Variants in SLC12A5 observed in about 807,000 individuals in gnomAD.
The protein encoded by SLC12A5 is solute carrier family 12 member 5, also known as K-Cl cotransporter 2.
SLC12A5 carries 18 observed loss-of-function variants against 124.0 expected under a neutral mutation model. The ratio of observed to expected loss-of-function variants is 0.15; its 90% CI spans 0.10 to 0.22. The LOEUF (loss-of-function observed/expected upper bound fraction) is 0.22. SLC12A5 is among the 10% of genes least tolerant of loss of function. The pLI is 1.00. For missense variants in SLC12A5, 867 were observed against 1,478.7 expected, an observed-to-expected ratio of 0.59 and a Z score of 6.78; for synonymous variants, 589 against 568.0, an observed-to-expected ratio of 1.04 and a Z score of -0.53.
chr20:46,037,157 G>C, intron 5 of SLC12A5, 98 bp from the exon 6 acceptor site: 1 of 1,486,012 alleles, frequency 6.7e-7, no homozygotes, highest in Non-Finnish European at 9.0e-7. Context: ...TGTGAGGCCT[G>C]GAGCAACCCC....
chr20:46,035,960 C>T (rs2084494937), intron 4 of SLC12A5, 37 bp downstream of exon 4: 11 of 1,583,704 alleles, frequency 6.9e-6, no homozygotes, highest in African/African-American at 1.3e-5. Context: ...CCCCTGACAG[C>T]TGGGGCTTGG....
intron 1 of SLC12A5, chr20:46,022,137 G>T: frequency 2.4e-6 from 1 of 420,020 alleles, no homozygotes; most frequent in Admixed American, 4.5e-5. Context: ...GGCCAGGGAA[G>T]GGGTTTGGAC....
chr20:46,057,286 G>T lies in SLC12A5; in HGVS notation c.3242G>T (p.Arg1081Leu), dbSNP rs376095009. 8.7e-6 allele frequency: 14 copies of T among 1,614,066 alleles called. No individual in the cohort carries two copies. Among genetic ancestry groups the T allele is most frequent in the Middle Eastern group, 1.6e-4 (1 of 6,082 alleles). ...LLNMPGPPRN[R>L]NGDENYMEFL... ...AACATGCCTGGGCCTCCCCGCAACC[G>T]CAATGGTGATGAAAACTGTATCCTG... The change falls in exon 25 of 26, where the codon CGC (arginine) becomes CTC (leucine). Residue 1081 changes from arginine to leucine, a missense_variant. Physicochemically the swap from Arg to Leu is moderately radical, Grantham distance 102 (BLOSUM62 -2). Coordinates refer to ENST00000243964, the MANE Select transcript of SLC12A5 (RefSeq NM_020708.5). The surrounding 1 kb of genome is among the most constrained non-coding windows in gnomAD (Gnocchi z 7.1).
intron 2 of SLC12A5, chr20:46,023,098 G>A (rs901978009): frequency 2.5e-6 from 1 of 399,618 alleles, no homozygotes; most frequent in Non-Finnish European, 4.4e-6. Context: ...GCAAACCCAA[G>A]CGCCGAAACC....
At chr20:46,021,772 C>T (rs2084356620), upstream of SLC12A5, 1 of 1,533,418 alleles carries the variant, frequency 6.5e-7, no homozygotes, top group Non-Finnish European at 8.7e-7. Context: ...CGCCATGAGC[C>T]GCAGGTTCAC....
rs1403480813 is a variant in SLC12A5 at position 46,058,227 on chromosome 20, G to A, written c.*622G>A. 2.7e-6 allele frequency: 1 copy of A among 374,524 alleles called. No individual in the cohort carries two copies. The highest frequency in any genetic ancestry group is 4.6e-5 in the Admixed American group (1 of 21,938). The allele number at this position is 374,524 out of a possible 1,614,324, so 23.2% of individuals were successfully genotyped here. A position where few individuals can be genotyped will look rare whatever the true frequency, so the allele number is the denominator to read the frequency against. On this transcript the variant is annotated 3_prime_UTR_variant, in exon 26 of 26. Transcript: ENST00000243964. This position sits in a 1 kb window ranked among gnomAD's most constrained non-coding sequence, Gnocchi z 5.8. ...CGAGCTCTCCCGCTGGGGGCACTGC[G>A]GGGAGGCGAGGCCTCGGGAAGCTGA...
chr20:46,029,456 G>A, intron 1 of SLC12A5, 60 bp downstream of exon 1: 4 of 1,517,428 alleles, frequency 2.6e-6, no homozygotes, highest in Non-Finnish European at 3.5e-6. Flanking sequence ...GCAGCTCTGG[G>A]GTTAGAGGCG....
intron 1 of SLC12A5, among the ~76,000 whole-genome samples, chr20:46,032,695 T>G (rs962741616): frequency 1.3e-5 from 2 of 152,222 alleles, no homozygotes; most frequent in Non-Finnish European, 2.9e-5. Flanking sequence ...GACTGGAATG[T>G]CAGTTTCCAT....
chr20:46,048,816 C>T (rs532098824), intron 16 of SLC12A5, among the ~76,000 whole-genome samples: 3 of 150,752 alleles, frequency 2.0e-5, no homozygotes, highest in South Asian at 2.1e-4. Context: ...TATAGTGAGC[C>T]GAGATTGTAC....
chr20:46,028,480 G>A (rs1443974807), upstream of SLC12A5, among the ~76,000 whole-genome samples: 1 of 152,158 alleles, frequency 6.6e-6, no homozygotes, highest in Non-Finnish European at 1.5e-5. Context: ...GTGGGACGCT[G>A]GGACTCTTGT....
rs1301222620 is a variant in SLC12A5, at chr20:46,037,488, A to C, written c.612+103A>C. 24 of 1,340,786 alleles carry C rather than the reference A, an allele frequency of 1.8e-5. No homozygotes were observed. The South Asian group carries it at 4.4e-4, about 25-fold the overall frequency. 83.1% of individuals were successfully genotyped at this position (1,340,786 alleles called of 1,614,324 possible). A position where few individuals can be genotyped will look rare whatever the true frequency, so the allele number is the denominator to read the frequency against. On this transcript the variant is annotated intron_variant, in intron 6 of 25. Coordinates refer to ENST00000243964, the MANE Select transcript of SLC12A5 (RefSeq NM_020708.5). The stretch of plus-strand genomic sequence containing the variant: ...GGCCAGGCCATTCAGTGAGGCCAAA[A>C]ATGTGGTTCAGTAAGGCCAAAGTCA...
rs1225392015 is a variant in SLC12A5, at chr20:46,056,355, C to T, written c.2911-10C>T. The T allele has an allele frequency of 1.2e-6, 2 of 1,608,198 alleles. No homozygotes were observed. Among genetic ancestry groups the T allele is most frequent in the African/African-American group, 2.7e-5 (2 of 74,788 alleles). ...AGGACTCAACTGCCATCGCTTCATT[C>T]ATCCCTCAGGTGCAGCTGATCCACG... On this transcript the variant is annotated splice_polypyrimidine_tract_variant and intron_variant, in intron 22 of 25. Coordinates refer to ENST00000243964, the MANE Select transcript of SLC12A5 (RefSeq NM_020708.5). This position sits in a 1 kb window ranked among gnomAD's most constrained non-coding sequence, Gnocchi z 4.3.
In SLC12A5 at chr20:46,035,390, C is replaced by A. The variant is rs369482505; in HGVS notation, c.148-14C>A. 1 of 1,607,426 alleles carries A rather than the reference C, an allele frequency of 6.2e-7. No individual in the cohort carries two copies. Among genetic ancestry groups the A allele is most frequent in the Non-Finnish European group, 8.5e-7 (1 of 1,176,032 alleles). On this transcript the variant is annotated splice_polypyrimidine_tract_variant and intron_variant, in intron 2 of 25. Coordinates refer to ENST00000243964, the MANE Select transcript of SLC12A5 (RefSeq NM_020708.5). ...CTCCCCCAGCCTCCTAGCACTGACA[C>A]CCTCCCTCCATAGGAGGAGATGGAC...
At chr20:46,029,163 C>G (rs1392218105), upstream of SLC12A5, 3 of 1,406,534 alleles carry the variant, frequency 2.1e-6, no homozygotes, top group African/African-American at 4.5e-5. Context: ...GGGGCGCGCG[C>G]GGGTGTGAGC....
intron 2 of SLC12A5, 33 bp downstream of exon 2, chr20:46,035,075 C>T (rs777268846): frequency 3.1e-5 from 49 of 1,597,146 alleles, no homozygotes; most frequent in Non-Finnish European, 3.9e-5. Flanking sequence ...CCCCCACCTA[C>T]AATTCATTAT....
In SLC12A5 at chr20:46,041,360, C is replaced by G; in HGVS notation, c.886C>G (p.Arg296Gly). ...CCTCCTGGGTAACCGCACGCTGTCT[C>G]GCCATGGCTTTGATGTCTGTGCCAA... ...ICLLGNRTLS[R>G]HGFDVCAKLA... The change falls in exon 8 of 26, where the codon CGC becomes GGC. Residue 296 changes from arginine (R) to glycine (G), a missense_variant. Around this residue, in one of 9 missense-constraint regions of SLC12A5, gnomAD observed 127 missense variants for 164.1 expected, o/e 0.77. Transcript: ENST00000243964. The G allele has an allele frequency of 6.2e-7, 1 of 1,614,120 alleles. No individual in the cohort carries two copies.
At chr20:46,032,555 G>A (rs541889396) in intron 1 of SLC12A5, among the ~76,000 whole-genome samples, 1 of 152,312 alleles carries the variant, frequency 6.6e-6, no homozygotes, top group South Asian at 2.1e-4. Flanking sequence ...CACCTAATAT[G>A]CATGATTTAA....
chr20:46,047,845 G>A, intron 15 of SLC12A5, 136 bp from the exon 16 acceptor site: 1 of 890,316 alleles, frequency 1.1e-6, no homozygotes. Context: ...GGTTGAGTCT[G>A]TTGGCAGGAG....
downstream of SLC12A5, among the ~76,000 whole-genome samples, chr20:46,024,137 G>A (rs74174992): frequency 7.2e-6 from 1 of 138,540 alleles, no homozygotes; most frequent in Non-Finnish European, 1.6e-5. Flanking sequence ...TGCTGTGGCA[G>A]AGGCTGTGTG....
Sources: allele counts gnomAD v4.1 joint callset (sites outside exome capture counted in the v4.1 genomes callset), GRCh38; gene constraint gnomAD v4.1.1; regional missense constraint gnomAD v4.1.1; non-coding constraint Gnocchi (gnomAD v3.1); transcripts MANE v1.5; gene names NCBI Gene and HGNC (gene_info 2026-07-23, HGNC 2026-07-21).